The following ZNF722 variants were observed in gnomAD, a reference collection of about 807,000 sequenced individuals.
The protein encoded by ZNF722 is zinc finger protein 479 pseudogene.
At chr7:64,013,241 ATTT>A in the ZNF722 span, among the ~76,000 whole-genome samples, 1 of 151,972 alleles carries the variant, frequency 6.6e-6, no homozygotes, top group East Asian at 1.9e-4. Context: ...AATGTTTATA[ATTT>A]TATGTTGCTA....
At chr7:64,009,080 T>C in the ZNF722 span, among the ~76,000 whole-genome samples, 23 of 152,318 alleles carry the variant, frequency 1.5e-4, no homozygotes, top group South Asian at 4.8e-3. Context: ...CTTGTGATTT[T>C]TGCACATTGG....
At chr7:64,001,918 C>G in the ZNF722 span, among the ~76,000 whole-genome samples, 4 of 152,114 alleles carry the variant, frequency 2.6e-5, no homozygotes, top group Non-Finnish European at 5.9e-5. Context: ...GAGTCTCACT[C>G]TATTGCCCAG....
chr7:64,017,047 C>CTA, the ZNF722 span, among the ~76,000 whole-genome samples: 1 of 152,158 alleles, frequency 6.6e-6, no homozygotes, highest in South Asian at 2.1e-4. Flanking sequence ...AAAGCCATTA[C>CTA]TATCAGCTCA....
At chr7:63,999,904 C>G in the ZNF722 span, among the ~76,000 whole-genome samples, 1 of 151,956 alleles carries the variant, frequency 6.6e-6, no homozygotes, top group African/African-American at 2.4e-5. Flanking sequence ...CCATGTTGGC[C>G]AGGGTGCTCT....
chr7:64,004,425 A>AAAAAAAAAAAAATATATATATAT, the ZNF722 span, among the ~76,000 whole-genome samples: 3 of 61,108 alleles, frequency 4.9e-5, no homozygotes, highest in African/African-American at 1.6e-4. Context: ...AAAAAAAAAA[A>AAAAAAAAAAAAATATATATATAT]ATATATATAT....
chr7:64,014,802 A>G, the ZNF722 span, among the ~76,000 whole-genome samples: 1 of 152,170 alleles, frequency 6.6e-6, no homozygotes, highest in Non-Finnish European at 1.5e-5. Context: ...ATGGCTTTTG[A>G]CATTGTGCTC....
At chr7:64,014,126 A>G in the ZNF722 span, among the ~76,000 whole-genome samples, 2 of 151,480 alleles carry the variant, frequency 1.3e-5, no homozygotes, top group African/African-American at 4.8e-5. Context: ...TGTATATCCT[A>G]GTTTGTTTGT....
the ZNF722 span, among the ~76,000 whole-genome samples, chr7:64,009,006 A>G: frequency 6.6e-6 from 1 of 152,154 alleles, no homozygotes; most frequent in African/African-American, 2.4e-5. Flanking sequence ...GTTTGTAGCA[A>G]TTGTGAATGG....
chr7:64,015,687 G>A, the ZNF722 span: 150 of 1,611,114 alleles, frequency 9.3e-5, no homozygotes, highest in South Asian at 5.6e-4. Flanking sequence ...AGCCTTTAGC[G>A]TATCCTCAAC....
chr7:64,009,353 C>T, the ZNF722 span, among the ~76,000 whole-genome samples: 5 of 152,092 alleles, frequency 3.3e-5, no homozygotes, highest in African/African-American at 7.2e-5. Flanking sequence ...AGTTTTTGCC[C>T]GTTCAGTATG....
the ZNF722 span, chr7:64,005,683 G>A: frequency 5.8e-6 from 9 of 1,549,298 alleles, no homozygotes; most frequent in South Asian, 2.3e-5. Context: ...ATTGTGCTCA[G>A]CAGAATTTAT....
chr7:64,005,324 G>GA, the ZNF722 span, among the ~76,000 whole-genome samples: 3 of 151,488 alleles, frequency 2.0e-5, no homozygotes, highest in Admixed American at 1.3e-4. Flanking sequence ...AAGAAAAATA[G>GA]AAAAAAAAGA....
the ZNF722 span, chr7:64,005,878 C>G: frequency 1.2e-6 from 1 of 828,160 alleles, no homozygotes; most frequent in Non-Finnish European, 1.8e-6. Flanking sequence ...TGGTGTAGAA[C>G]AGATTCTTCA....
At chr7:64,004,425 A>AAAAT in the ZNF722 span, among the ~76,000 whole-genome samples, 529 of 61,074 alleles carry the variant, frequency 8.7e-3, 18 homozygotes, top group African/African-American at 0.026. Context: ...AAAAAAAAAA[A>AAAAT]ATATATATAT....
the ZNF722 span, among the ~76,000 whole-genome samples, chr7:64,011,453 A>G: frequency 1.3e-5 from 2 of 152,148 alleles, no homozygotes; most frequent in Non-Finnish European, 2.9e-5. Context: ...GGTGGTGACA[A>G]AATCTCTCAG....
the ZNF722 span, chr7:63,999,147 C>T: frequency 4.3e-6 from 4 of 930,446 alleles, no homozygotes; most frequent in Non-Finnish European, 5.0e-6. Context: ...CTTTTAGTCC[C>T]CTCGAACCGT....
At chr7:64,000,296 A>G in the ZNF722 span, among the ~76,000 whole-genome samples, 1,950 of 146,422 alleles carry the variant, frequency 0.013, 52 homozygotes, top group African/African-American at 0.047. Context: ...ACCCCAGCTA[A>G]TTTTGTATTT....
chr7:64,006,310 A>C, the ZNF722 span: 1 of 1,297,258 alleles, frequency 7.7e-7, no homozygotes, highest in Non-Finnish European at 1.1e-6. Flanking sequence ...GATGGTAGCC[A>C]AACACCCAGG....
chr7:64,014,894 A>C, the ZNF722 span: 1 of 712,092 alleles, frequency 1.4e-6, no homozygotes, highest in Non-Finnish European at 2.3e-6. Context: ...TACATCTATG[A>C]AGGAATTATG....
Sources: allele counts gnomAD v4.1 joint callset (sites outside exome capture counted in the v4.1 genomes callset), GRCh38; gene constraint gnomAD v4.1.1; transcripts MANE v1.5; gene names NCBI Gene and HGNC (gene_info 2026-07-23, HGNC 2026-07-21).